GRM5: variants seen among roughly 807,000 people sequenced by gnomAD.
GRM5 encodes the protein metabotropic glutamate receptor 5.
In GRM5, 19 loss-of-function variants were observed where a neutral mutation model predicts 83.1. That is an observed-to-expected ratio of 0.23 (90% CI 0.16 to 0.34). The LOEUF (loss-of-function observed/expected upper bound fraction) is 0.34. Ranked by LOEUF, GRM5 falls within the 10% of genes least tolerant of loss-of-function variation. The pLI, the probability that GRM5 is intolerant of heterozygous loss-of-function variation, is 1.00. For missense variants in GRM5, 1,160 were observed against 1,588.3 expected, an observed-to-expected ratio of 0.73 and a Z score of 4.58; for synonymous variants, 675 against 633.6, an observed-to-expected ratio of 1.07 and a Z score of -0.98.
At chr11:88,925,789 A>C in intron 2 of GRM5, 1 of 451,734 alleles carries the variant, frequency 2.2e-6, no homozygotes, top group South Asian at 1.6e-5. Flanking sequence ...CATGCCTGTA[A>C]TCCTAGCTCC....
At chr11:88,826,561 A>G (rs1231052742) in intron 3 of GRM5, among the ~76,000 whole-genome samples, 1 of 152,052 alleles carries the variant, frequency 6.6e-6, no homozygotes, top group Non-Finnish European at 1.5e-5. Context: ...TCCAATGGGT[A>G]TTAGGTAACT....
chr11:88,649,060 T>C (rs896414753), intron 4 of GRM5, among the ~76,000 whole-genome samples: 2 of 145,154 alleles, frequency 1.4e-5, no homozygotes, highest in Non-Finnish European at 3.0e-5. Flanking sequence ...ATATATAATA[T>C]ATATATTATA....
In GRM5 at chr11:88,509,196, G is replaced by T; in HGVS notation, c.3035C>A (p.Ala1012Glu). The change falls in exon 10 of 10, where the codon GCG becomes GAG. Residue 1012 changes from alanine to glutamate, a missense_variant. By Grantham distance (107) the Ala-to-Glu change is moderately radical. This residue lies in a region of GRM5 where 562 missense variants were observed against 532.4 expected (regional missense o/e 1.06). Transcript: ENST00000305447. ...DVAEAEEHFP[A>E]PARPRSPSPI... The stretch of plus-strand genomic sequence containing the variant: ...CGACGGTGAGCGCGGCCGCGCGGGC[G>T]CCGGGAAGTGCTCCTCAGCCTCGGC... 6.5e-7 allele frequency: 1 copy of T among 1,533,718 alleles called. No individual in the cohort carries two copies. Among genetic ancestry groups the T allele is most frequent in the Non-Finnish European group, 8.8e-7 (1 of 1,142,714 alleles).
intron 3 of GRM5, among the ~76,000 whole-genome samples, chr11:88,742,905 G>A (rs1438589851): frequency 6.6e-6 from 1 of 152,110 alleles, no homozygotes; most frequent in African/African-American, 2.4e-5. Context: ...CAGAATAGAT[G>A]AAGCAGAAAC....
chr11:88,510,460 G>GT lies in GRM5; in HGVS notation c.2727-957dup, dbSNP rs201245313. Among the ~76,000 whole-genome samples, 1,293 of 152,312 alleles carry GT rather than the reference G, an allele frequency of 8.5e-3. 17 individuals carry two copies. The highest frequency in any genetic ancestry group is 0.03 in the African/African-American group (1,244 of 41,562). ...CACAATAGCTTCTGAAGCTGCAGACGTTCTTTCAGAAACTTTACAAAGGTC... is the reference window on the plus strand; with the variant it reads ...CACAATAGCTTCTGAAGCTGCAGACGTTTCTTTCAGAAACTTTACAAAGGTC... On this transcript the variant is annotated intron_variant, in intron 9 of 9. Coordinates refer to ENST00000305447, the MANE Select transcript of GRM5 (RefSeq NM_001143831.3).
chr11:88,783,762 G>T (rs966479591), intron 3 of GRM5, among the ~76,000 whole-genome samples: 3 of 151,886 alleles, frequency 2.0e-5, no homozygotes, highest in Non-Finnish European at 2.9e-5. Flanking sequence ...TTACTTTTTT[G>T]TATGCACTTA....
In GRM5 at chr11:88,858,115, G is replaced by A. The variant is rs117310706; in HGVS notation, c.662-7960C>T. 1.2e-3 allele frequency among the ~76,000 whole-genome samples: 177 copies of A among 152,090 alleles called. 4 individuals are homozygous for A. The East Asian group carries it at 0.031, about 27-fold the overall frequency. On this transcript the variant is annotated intron_variant, in intron 2 of 9. Coordinates refer to ENST00000305447, the MANE Select transcript of GRM5 (RefSeq NM_001143831.3). ...CACGACCCATATACCACAGCATTAA[G>A]CATAAGGCATGGCATTATTGAATCT...
chr11:88,965,586 CCAAA>C (rs759147007), intron 2 of GRM5, among the ~76,000 whole-genome samples: 5 of 151,994 alleles, frequency 3.3e-5, no homozygotes, highest in African/African-American at 4.8e-5. Flanking sequence ...AACACACAAA[CCAAA>C]CAAAGGAAAG....
chr11:88,787,369 G>A (rs536859344), intron 3 of GRM5, among the ~76,000 whole-genome samples: 2 of 152,156 alleles, frequency 1.3e-5, no homozygotes, highest in East Asian at 3.9e-4. Flanking sequence ...AAAAAGGAGA[G>A]GATGTGGAAG....
chr11:88,940,939 C>T (rs1427018353), intron 2 of GRM5, among the ~76,000 whole-genome samples: 1 of 151,942 alleles, frequency 6.6e-6, no homozygotes. Flanking sequence ...TACATGTGCA[C>T]TCATATGTGA....
intron 2 of GRM5, among the ~76,000 whole-genome samples, chr11:88,921,155 A>T (rs565946379): frequency 3.7e-4 from 57 of 152,086 alleles, no homozygotes; most frequent in Non-Finnish European, 7.4e-4. Flanking sequence ...AAAATCATTC[A>T]CCATGACCAA....
intron 4 of GRM5, among the ~76,000 whole-genome samples, chr11:88,613,923 A>T (rs1469095260): frequency 6.6e-6 from 1 of 152,142 alleles, no homozygotes. Context: ...TCCATTTCCC[A>T]GGTCAGTCTT....
chr11:88,854,885 T>C (rs898190907), intron 2 of GRM5, among the ~76,000 whole-genome samples: 1 of 151,994 alleles, frequency 6.6e-6, no homozygotes, highest in Non-Finnish European at 1.5e-5. Flanking sequence ...CATACTTTAG[T>C]AAGTAATTTG....
intron 3 of GRM5, among the ~76,000 whole-genome samples, chr11:88,754,563 C>A (rs1243341144): frequency 6.6e-6 from 1 of 152,040 alleles, no homozygotes; most frequent in Non-Finnish European, 1.5e-5. Flanking sequence ...AAGGTAGGCA[C>A]TTGAATATAC....
chr11:88,734,501 G>GT (rs1345415640), intron 3 of GRM5, among the ~76,000 whole-genome samples: 3 of 151,980 alleles, frequency 2.0e-5, no homozygotes, highest in Non-Finnish European at 4.4e-5. Flanking sequence ...ACCCTCCCAT[G>GT]TTTTTTGCAA....
chr11:89,040,067 T>G (rs1277698986), intron 2 of GRM5, among the ~76,000 whole-genome samples: 4 of 152,170 alleles, frequency 2.6e-5, no homozygotes, highest in Admixed American at 6.5e-5. Context: ...TGCAGAAGTT[T>G]GAGCATAGCA....
At chr11:89,065,286 T>TCACACA (rs71046278) in intron 1 of GRM5, among the ~76,000 whole-genome samples, 1,875 of 147,436 alleles carry the variant, frequency 0.013, 19 homozygotes, top group African/African-American at 0.03. Flanking sequence ...TGTATTGGCA[T>TCACACA]CACACACACA....
intron 3 of GRM5, among the ~76,000 whole-genome samples, chr11:88,757,486 G>A (rs1942418752): frequency 6.6e-6 from 1 of 152,094 alleles, no homozygotes. Context: ...CCATTAGAGT[G>A]AAACTAGTAT....
intron 8 of GRM5, among the ~76,000 whole-genome samples, chr11:88,542,626 T>C (rs528694198): frequency 1.3e-5 from 2 of 152,324 alleles, no homozygotes; most frequent in African/African-American, 2.4e-5. Flanking sequence ...GTGTATTTTC[T>C]AGATACCTGG....
Sources: gnomAD v4.1 joint callset for allele counts (sites outside exome capture counted in the v4.1 genomes callset) on GRCh38, gnomAD v4.1.1 for gene constraint, gnomAD v4.1.1 regional missense constraint, MANE v1.5 for transcripts, NCBI Gene and HGNC (gene_info 2026-07-23, HGNC 2026-07-21) for gene names.